The following ANKS1A variants were observed in gnomAD, a reference collection of about 807,000 sequenced individuals.
ANKS1A encodes ankyrin repeat and SAM domain-containing protein 1A.
In ANKS1A, 55 loss-of-function variants were observed where a neutral mutation model predicts 120.3. The observed-to-expected ratio is 0.46, with a 90% CI of 0.37 to 0.57. The LOEUF (loss-of-function observed/expected upper bound fraction) is 0.57. ANKS1A is among the 20% of genes least tolerant of loss of function. The pLI is 0.00. For synonymous variants in ANKS1A, 590 were observed against 604.7 expected (o/e 0.98, Z 0.36); for missense variants, 1,123 against 1,480.3 (o/e 0.76, Z 3.96).
chr6:35,005,869 A>G, intron 10 of ANKS1A: 1 of 377,102 alleles, frequency 2.7e-6, no homozygotes, highest in Non-Finnish European at 5.1e-6. Context: ...CCTGGCCAAC[A>G]TGGCGAAACC....
rs1265144309 is a variant in ANKS1A at position 35,086,517 on chromosome 6, C to T, written c.3304-435C>T. ...TGCCTGTTCTGTGTGTGCTTCAGCCCTCTCTGTTTTTCTGTTGTGTGTCCT... is the reference window on the plus strand; with the variant it reads ...TGCCTGTTCTGTGTGTGCTTCAGCCTTCTCTGTTTTTCTGTTGTGTGTCCT... On this transcript the variant is annotated intron_variant, in intron 22 of 23. Transcript: ENST00000360359. The surrounding 1 kb of genome is among the most constrained non-coding windows in gnomAD (Gnocchi z 5.1). 2 of 492,474 alleles carry T rather than the reference C, an allele frequency of 4.1e-6. No individual in the cohort carries two copies. Among genetic ancestry groups the T allele is most frequent in the East Asian group, 6.8e-5 (1 of 14,800 alleles). 30.5% of individuals were successfully genotyped at this position (492,474 alleles called of 1,614,324 possible).
intron 1 of ANKS1A, among the ~76,000 whole-genome samples, chr6:34,914,254 A>G (rs533929748): frequency 1.0e-3 from 156 of 152,328 alleles, no homozygotes; most frequent in Non-Finnish European, 1.8e-3. Flanking sequence ...ATCAATCAGG[A>G]AGCATGACAT....
chr6:34,982,952 AT>A lies in ANKS1A; in HGVS notation c.808+127del. On this transcript the variant is annotated intron_variant, in intron 5 of 23. Coordinates refer to ENST00000360359, the MANE Select transcript of ANKS1A (RefSeq NM_015245.3). This position sits in a 1 kb window ranked among gnomAD's most constrained non-coding sequence, Gnocchi z 4.9. Reference sequence around the variant, plus strand: ...AATGTATGTGTATCTCCACTGGTTGATTACAAGTGTGTAAACTGTTCTTGAA... The same window carrying A: ...AATGTATGTGTATCTCCACTGGTTGATACAAGTGTGTAAACTGTTCTTGAA... 7.7e-7 allele frequency: 1 copy of A among 1,295,986 alleles called. No homozygotes were observed. The highest frequency in any genetic ancestry group is 1.1e-6 in the Non-Finnish European group (1 of 898,124). 80.3% of individuals were successfully genotyped at this position (1,295,986 alleles called of 1,614,324 possible).
At chr6:35,049,314 G>A (rs1463192137) in intron 11 of ANKS1A, among the ~76,000 whole-genome samples, 1 of 152,212 alleles carries the variant, frequency 6.6e-6, no homozygotes, top group Non-Finnish European at 1.5e-5. Context: ...ATTAGCGATA[G>A]CTAACAAACA....
Position 34,982,914 on chromosome 6 carries a change from T to A in ANKS1A, c.808+87T>A. 1.3e-6 allele frequency: 2 copies of A among 1,545,470 alleles called. No homozygotes were observed. Among genetic ancestry groups the A allele is most frequent in the Non-Finnish European group, 1.8e-6 (2 of 1,119,674 alleles). ...GTCCCCTAGGGGGATTTTTGCTGGC[T>A]GTGTTTGAACTCAATGTATGTGTAT... On this transcript the variant is annotated intron_variant, in intron 5 of 23. Transcript: ENST00000360359. The surrounding 1 kb of genome is among the most constrained non-coding windows in gnomAD (Gnocchi z 4.9).
At chr6:35,092,288 C>T (rs781732005), downstream of ANKS1A, among the ~76,000 whole-genome samples, 8 of 152,096 alleles carry the variant, frequency 5.3e-5, no homozygotes, top group African/African-American at 1.7e-4. Context: ...TGGACGCTTC[C>T]GTTTCTTAAA....
rs1314902746 is a variant in ANKS1A at position 35,017,602 on chromosome 6, A to G, written c.1553A>G (p.Gln518Arg). 6.2e-7 allele frequency: 1 copy of G among 1,613,832 alleles called. No individual in the cohort carries two copies. The highest frequency in any genetic ancestry group is 1.1e-5 in the South Asian group (1 of 91,062). The change falls in exon 11 of 24, where the codon CAG becomes CGG. Residue 518 changes from glutamine to arginine, a missense_variant. This residue lies in a region of ANKS1A where 904 missense variants were observed against 1,130.4 expected (regional missense o/e 0.80). Transcript: ENST00000360359. ...PVCEVGQDPF[Q>R]LLCTAGQSHP... ...TGCGAGGTGGGGCAGGACCCTTTCC[A>G]GCTGCTCTGTACCGCTGGCCAGAGC...
chr6:35,027,880 T>A (rs1774708396), intron 11 of ANKS1A, among the ~76,000 whole-genome samples: 1 of 152,210 alleles, frequency 6.6e-6, no homozygotes, highest in African/African-American at 2.4e-5. Context: ...AGGGCCAAGA[T>A]GCTGAGCGAA....
At chr6:34,890,930 C>A (rs73421507) in intron 1 of ANKS1A, among the ~76,000 whole-genome samples, 21,616 of 152,080 alleles carry the variant, frequency 0.14, 3,134 homozygotes, top group African/African-American at 0.37. Flanking sequence ...TGAGTACCAA[C>A]CCAGGTCTTT....
chr6:34,908,613 G>A (rs996850827), intron 1 of ANKS1A, among the ~76,000 whole-genome samples: 1 of 152,240 alleles, frequency 6.6e-6, no homozygotes, highest in African/African-American at 2.4e-5. Context: ...GTGACAGAAT[G>A]ATTATGAACT....
At chr6:34,902,538 G>A (rs9469925) in intron 1 of ANKS1A, among the ~76,000 whole-genome samples, 21,624 of 151,998 alleles carry the variant, frequency 0.14, 3,137 homozygotes, top group African/African-American at 0.37. Flanking sequence ...GTGAGCTACC[G>A]CGCCTGGCCC....
At chr6:35,083,558 C>A in intron 20 of ANKS1A, 55 bp downstream of exon 20, 1 of 1,561,786 alleles carries the variant, frequency 6.4e-7, no homozygotes, top group Non-Finnish European at 8.8e-7. Context: ...CCCGTCAGAC[C>A]CACAGGGCTC....
chr6:35,037,552 G>T (rs560855420), intron 11 of ANKS1A, among the ~76,000 whole-genome samples: 61 of 152,292 alleles, frequency 4.0e-4, no homozygotes, highest in Non-Finnish European at 6.5e-4. Context: ...GCCTGCTGGG[G>T]AACTCTGGGA....
chr6:35,040,637 G>A (rs1202882235), intron 11 of ANKS1A, among the ~76,000 whole-genome samples: 1 of 152,204 alleles, frequency 6.6e-6, no homozygotes, highest in Non-Finnish European at 1.5e-5. Flanking sequence ...GAAAAACAAG[G>A]CTCTTATTGA....
Position 34,923,945 on chromosome 6 carries a change from G to A in ANKS1A, c.197+34346G>A, listed in dbSNP as rs77263750. Among the ~76,000 whole-genome samples, 591 of 152,272 alleles carry A rather than the reference G, an allele frequency of 3.9e-3. 3 individuals carry two copies. Among genetic ancestry groups the A allele is most frequent in the Non-Finnish European group, 7.3e-3 (499 of 68,018 alleles). ...TACACTTTTTTCTGATGGCCAAGTCGTCTTACAGAGGCAGGGGCTCCAGAA... is the reference window on the plus strand; with the variant it reads ...TACACTTTTTTCTGATGGCCAAGTCATCTTACAGAGGCAGGGGCTCCAGAA... On this transcript the variant is annotated intron_variant, in intron 1 of 23. Coordinates refer to ENST00000360359, the MANE Select transcript of ANKS1A (RefSeq NM_015245.3).
At chr6:34,958,576 T>G (rs1770483768) in intron 1 of ANKS1A, among the ~76,000 whole-genome samples, 1 of 152,140 alleles carries the variant, frequency 6.6e-6, no homozygotes, top group Non-Finnish European at 1.5e-5. Context: ...AACAGAAGGA[T>G]TTTTCTAAAA....
intron 11 of ANKS1A, among the ~76,000 whole-genome samples, chr6:35,031,265 T>C (rs1014364417): frequency 2.0e-5 from 3 of 152,214 alleles, no homozygotes; most frequent in Non-Finnish European, 4.4e-5. Context: ...CTTTTCCCCA[T>C]GTCCCATCAC....
intron 12 of ANKS1A, among the ~76,000 whole-genome samples, chr6:35,055,681 G>A (rs1056216572): frequency 2.6e-5 from 4 of 152,192 alleles, no homozygotes; most frequent in Non-Finnish European, 5.9e-5. Context: ...GAAACCTAGA[G>A]AACAGAGGCT....
At position 34,991,036 on chromosome 6, in the gene ANKS1A, T is replaced by G. The variant is rs115406524; in HGVS notation, c.1302+1720T>G. ...CTTTGTTGTCTTTCCCTGTCTTTCCTTATACTGTTAAAGCTTTAATACCCT... is the reference window on the plus strand; with the variant it reads ...CTTTGTTGTCTTTCCCTGTCTTTCCGTATACTGTTAAAGCTTTAATACCCT... On this transcript the variant is annotated intron_variant, in intron 9 of 23. Coordinates refer to ENST00000360359, the MANE Select transcript of ANKS1A (RefSeq NM_015245.3). 6.2e-3 allele frequency among the ~76,000 whole-genome samples: 945 copies of G among 152,316 alleles called. 9 individuals carry two copies. Among genetic ancestry groups the G allele is most frequent in the African/African-American group, 0.019 (779 of 41,562 alleles).
Sources: allele counts gnomAD v4.1 joint callset (sites outside exome capture counted in the v4.1 genomes callset), GRCh38; gene constraint gnomAD v4.1.1; regional missense constraint gnomAD v4.1.1; non-coding constraint Gnocchi (gnomAD v3.1); transcripts MANE v1.5; gene names NCBI Gene and HGNC (gene_info 2026-07-23, HGNC 2026-07-21).